The following REV3L variants were observed in gnomAD, a reference collection of about 807,000 sequenced individuals.
REV3L encodes the protein DNA polymerase zeta catalytic subunit.
REV3L carries 69 observed loss-of-function variants against 299.4 expected under a neutral mutation model. The ratio of observed to expected loss-of-function variants is 0.23; its 90% CI spans 0.19 to 0.28. The LOEUF (loss-of-function observed/expected upper bound fraction) is 0.28, where lower values mean the gene tolerates loss of function less well. Ranked by LOEUF, REV3L falls within the 10% of genes least tolerant of loss-of-function variation. REV3L has a pLI of 1.00. For synonymous variants in REV3L, 1,238 were observed against 1,271.4 expected, an observed-to-expected ratio of 0.97 and a Z score of 0.56; for missense variants, 3,128 against 3,693.8, an observed-to-expected ratio of 0.85 and a Z score of 3.97.
At chr6:111,463,994 A>C (rs760323636) in intron 1 of REV3L, among the ~76,000 whole-genome samples, 5 of 152,208 alleles carry the variant, frequency 3.3e-5, no homozygotes, top group Admixed American at 1.3e-4. Context: ...AAAAGCATCC[A>C]AAATCTAAAT....
At chr6:111,421,249 A>C (rs535722290) in intron 1 of REV3L, among the ~76,000 whole-genome samples, 1 of 152,310 alleles carries the variant, frequency 6.6e-6, no homozygotes, top group East Asian at 1.9e-4. Flanking sequence ...TTGCCCATCT[A>C]AAATCTTGTT....
At chr6:111,384,771 A>C (rs759124691) in intron 9 of REV3L, among the ~76,000 whole-genome samples, 1 of 152,272 alleles carries the variant, frequency 6.6e-6, no homozygotes, top group Admixed American at 6.5e-5. Flanking sequence ...TGAAATTGGT[A>C]TGTCGAGTTG....
chr6:111,399,863 G>A (rs997918569), intron 4 of REV3L, among the ~76,000 whole-genome samples: 4 of 152,144 alleles, frequency 2.6e-5, no homozygotes, highest in Non-Finnish European at 5.9e-5. Context: ...ACCCAGGACT[G>A]TACAGAATAA....
rs1195648229 is a variant in REV3L at position 111,411,406 on chromosome 6, C to A, written c.404+74G>T. 6 of 1,011,420 alleles carry A rather than the reference C, an allele frequency of 5.9e-6. No homozygotes were observed. The East Asian group carries it at 1.6e-4, about 27-fold the overall frequency. 62.7% of individuals were successfully genotyped at this position (1,011,420 alleles called of 1,614,324 possible). A position where few individuals can be genotyped will look rare whatever the true frequency, so the allele number is the denominator to read the frequency against. ...TAAGACTACAAACTATAGAGGCCTTCTTTCTAGATTTTTTTTATTATTAAA... is the reference window on the plus strand; with the variant it reads ...TAAGACTACAAACTATAGAGGCCTTATTTCTAGATTTTTTTTATTATTAAA... On this transcript the variant is annotated intron_variant, in intron 3 of 31. Coordinates refer to ENST00000368802, the MANE Select transcript of REV3L (RefSeq NM_001372078.1).
chr6:111,420,659 T>C (rs1169241940), intron 1 of REV3L, among the ~76,000 whole-genome samples: 1 of 152,166 alleles, frequency 6.6e-6, no homozygotes, highest in Non-Finnish European at 1.5e-5. Flanking sequence ...TTGATTGATG[T>C]TCCCTAATTC....
At chr6:111,327,248 T>C (rs540196961) in intron 25 of REV3L, among the ~76,000 whole-genome samples, 20 of 152,238 alleles carry the variant, frequency 1.3e-4, no homozygotes, top group African/African-American at 4.6e-4. Context: ...GGGAAGAAAT[T>C]AGGGAAATGT....
At chr6:111,421,082 C>T (rs944952393) in intron 1 of REV3L, among the ~76,000 whole-genome samples, 6 of 152,042 alleles carry the variant, frequency 3.9e-5, no homozygotes, top group African/African-American at 7.3e-5. Context: ...GAGCCAAGAT[C>T]GCGCCAATGC....
At chr6:111,300,370 A>T (rs1229551746) in intron 31 of REV3L, among the ~76,000 whole-genome samples, 2 of 152,190 alleles carry the variant, frequency 1.3e-5, no homozygotes, top group Non-Finnish European at 2.9e-5. Flanking sequence ...TAGAGTACAA[A>T]TTTCCCTAAG....
intron 1 of REV3L, among the ~76,000 whole-genome samples, chr6:111,452,276 A>T (rs1789638861): frequency 6.6e-6 from 1 of 152,202 alleles, no homozygotes; most frequent in Non-Finnish European, 1.5e-5. Context: ...AAAATGGTAC[A>T]GCCACACTGG....
intron 2 of REV3L, chr6:111,412,000 T>C: frequency 1.0e-6 from 1 of 985,456 alleles, no homozygotes; most frequent in Non-Finnish European, 1.2e-6. Context: ...ATTTTTTTGT[T>C]AAAAACTGAA....
chr6:111,405,686 G>T, intron 3 of REV3L, 56 bp from the exon 4 acceptor site: 1 of 1,188,770 alleles, frequency 8.4e-7, no homozygotes, highest in South Asian at 1.4e-5. Context: ...AATGTTAAAT[G>T]AAACAATGAT....
intron 1 of REV3L, among the ~76,000 whole-genome samples, chr6:111,433,821 CA>C (rs888893940): frequency 1.3e-5 from 2 of 152,108 alleles, no homozygotes; most frequent in African/African-American, 4.8e-5. Context: ...TCTAGCAAAC[CA>C]AATTCAACAT....
intron 1 of REV3L, among the ~76,000 whole-genome samples, chr6:111,450,731 G>GA (rs1156285967): frequency 6.6e-6 from 1 of 152,030 alleles, no homozygotes; most frequent in Non-Finnish European, 1.5e-5. Context: ...GATAATTAAA[G>GA]AAAAAAACTG....
chr6:111,333,006 C>T, intron 23 of REV3L, 117 bp downstream of exon 23: 1 of 1,156,580 alleles, frequency 8.6e-7, no homozygotes, highest in African/African-American at 1.5e-5. Flanking sequence ...GGGATACAGT[C>T]CATTTATCTT....
chr6:111,414,464 T>C (rs1307320215), intron 2 of REV3L, among the ~76,000 whole-genome samples: 1 of 152,120 alleles, frequency 6.6e-6, no homozygotes, highest in Non-Finnish European at 1.5e-5. Context: ...TAAATTGTAT[T>C]CTATTAACAA....
intron 11 of REV3L, among the ~76,000 whole-genome samples, chr6:111,379,073 T>C (rs1013814504): frequency 6.6e-6 from 1 of 152,200 alleles, no homozygotes; most frequent in Non-Finnish European, 1.5e-5. Context: ...CAAGGTTAAA[T>C]TGGGCATGGT....
Position 111,482,874 on chromosome 6 carries a change from C to A in REV3L, c.15G>T (p.Arg5Ser). 6.6e-7 allele frequency: 1 copy of A among 1,517,966 alleles called. No homozygotes were observed. Among genetic ancestry groups the A allele is most frequent in the South Asian group, 1.3e-5 (1 of 77,196 alleles). 94.0% of individuals were successfully genotyped at this position (1,517,966 alleles called of 1,614,324 possible). Residue 5 changes from arginine (R) to serine (S), a missense_variant, in exon 1 of 32, where the codon AGG (arginine) becomes AGT (serine). Arg to Ser is a moderately radical substitution (Grantham distance 110, BLOSUM62 -1). Coordinates refer to ENST00000368802, the MANE Select transcript of REV3L (RefSeq NM_001372078.1). ...CCATGTAGTAGTCTGCAGTCACTAT[C>A]CTTACTGAAAACATGTTCGCCGCCG... is the stretch of plus-strand genomic sequence containing the variant. MFSV[R>S]IVTADYYMAS... is the part of the protein sequence containing the mutation.
At chr6:111,388,995 T>C (rs1781625890) in intron 7 of REV3L, 111 bp downstream of exon 7, 1 of 753,532 alleles carries the variant, frequency 1.3e-6, no homozygotes, top group East Asian at 2.6e-5. Flanking sequence ...ATACAAAATA[T>C]AAAGGTCATT....
At position 111,482,849 on chromosome 6, in the gene REV3L, C is replaced by A. The variant is rs1793931776; in HGVS notation, c.40G>T (p.Ala14Ser). 1 of 1,517,148 alleles carries A rather than the reference C, an allele frequency of 6.6e-7. No homozygotes were observed. The allele number at this position is 1,517,148 out of a possible 1,614,324, so 94.0% of individuals were successfully genotyped here. ...GTATCCAGCCCCTGCAGCGGGCTGG[C>A]CATGTAGTAGTCTGCAGTCACTATC... ...VRIVTADYYM[A>S]SPLQGLDTCQ... is the part of the protein sequence containing the mutation. Residue 14 changes from alanine (A) to serine (S), a missense_variant, in exon 1 of 32, where the codon GCC (alanine) becomes TCC (serine). By Grantham distance (99) the Ala-to-Ser change is moderately conservative. Transcript: ENST00000368802.
Sources: allele counts gnomAD v4.1 joint callset (sites outside exome capture counted in the v4.1 genomes callset), GRCh38; gene constraint gnomAD v4.1.1; transcripts MANE v1.5; gene names NCBI Gene and HGNC (gene_info 2026-07-23, HGNC 2026-07-21).